The following CRYGC variants were observed in gnomAD, a reference collection of about 807,000 sequenced individuals.
The protein encoded by CRYGC is crystallin gamma C, also known as gamma-crystallin C.
Under a neutral mutation model 21.9 loss-of-function variants are expected in CRYGC, and 14 were observed. The observed-to-expected ratio is 0.64, with a 90% CI of 0.42 to 1.00. CRYGC has a LOEUF of 1.00. CRYGC is among the 50% of genes least tolerant of loss of function. The pLI is 0.00. For missense variants in CRYGC, 235 were observed against 234.2 expected (o/e 1.00, Z -0.02); for synonymous variants, 96 against 89.8 (o/e 1.07, Z -0.39).
rs746380431 is a variant in CRYGC at position 208,128,269 on chromosome 2, C to T, written c.459G>A (p.Arg153=). 2.5e-6 allele frequency: 4 copies of T among 1,614,140 alleles called. No homozygotes were observed. The highest frequency in any genetic ancestry group is 2.2e-5 in the South Asian group (2 of 91,094). ...CATCCATGGCCCCCCAGTCCTGGCA[C>T]CGCCTGTACTCTTGGGGCCTCAGCA... ...QYLLRPQEYR[R]CQDWGAMDAK... Residue 153 remains arginine (R), a synonymous_variant, in exon 3 of 3, where the codon CGG becomes CGA. Transcript: ENST00000282141.
Position 208,128,434 on chromosome 2 carries a change from G to A in CRYGC, c.294C>T (p.His98=), listed in dbSNP as rs1251931251. ...CACTCAGCTCCATCATGAGGCCTTTGTGGTCTTCCCTCTCGTACAGCCGCA... is the reference window on the plus strand; with the variant it reads ...CACTCAGCTCCATCATGAGGCCTTTATGGTCTTCCCTCTCGTACAGCCGCA... The part of the protein sequence containing the change: ...HRLRLYERED[H]KGLMMELSED... The change falls in exon 3 of 3, where the codon CAC becomes CAT. Residue 98 remains histidine, a synonymous_variant. Coordinates refer to ENST00000282141, the MANE Select transcript of CRYGC (RefSeq NM_020989.4). 56 of 1,614,088 alleles carry A rather than the reference G, an allele frequency of 3.5e-5. No individual in the cohort carries two copies. Among genetic ancestry groups the A allele is most frequent in the Non-Finnish European group, 4.6e-5 (54 of 1,180,052 alleles).
At chr2:208,129,403 G>A in intron 2 of CRYGC, 38 bp downstream of exon 2, 2 of 1,610,934 alleles carry the variant, frequency 1.2e-6, no homozygotes, top group Non-Finnish European at 1.7e-6. Flanking sequence ...CAATACAGTG[G>A]GGACTCTGGC....
At chr2:208,128,879 A>T (rs913916992) in intron 2 of CRYGC, among the ~76,000 whole-genome samples, 3 of 152,198 alleles carry the variant, frequency 2.0e-5, no homozygotes, top group African/African-American at 4.8e-5. Flanking sequence ...ATTTACAAAC[A>T]TATAAATTTA....
rs758348597 is a variant in CRYGC at position 208,129,534 on chromosome 2, A to T, written c.159T>A (p.Gly53=). 4 of 1,613,994 alleles carry T rather than the reference A, an allele frequency of 2.5e-6. No homozygotes were observed. In the South Asian group the frequency reaches 4.4e-5, roughly 18 times the overall value. Reference sequence around the variant, plus strand: ...CCCCTCGCCGCAGCAAGTATTGTTGACCTTGGTAGTTGGGACGCTCATAGA... The same window carrying T: ...CCCCTCGCCGCAGCAAGTATTGTTGTCCTTGGTAGTTGGGACGCTCATAGA... The part of the protein sequence containing the change: ...WMLYERPNYQ[G]QQYLLRRGEY... Residue 53 remains glycine, a synonymous_variant, in exon 2 of 3, where the codon GGT becomes GGA. Coordinates refer to ENST00000282141, the MANE Select transcript of CRYGC (RefSeq NM_020989.4).
rs550790785 is a variant in CRYGC at position 208,129,027 on chromosome 2, TTAACAATACA to T, written c.252+404_252+413del. On this transcript the variant is annotated intron_variant, in intron 2 of 2. Coordinates refer to ENST00000282141, the MANE Select transcript of CRYGC (RefSeq NM_020989.4). ...GGACACAACCTTTGAATAGCCTATATTAACAATACAGCTTTGAAGGTTTACTAGTCCATGG... is the reference window on the plus strand; with the variant it reads ...GGACACAACCTTTGAATAGCCTATATGCTTTGAAGGTTTACTAGTCCATGG... Among the ~76,000 whole-genome samples the T allele has an allele frequency of 1.5e-3, 230 of 152,336 alleles. 1 individual carries two copies. Among genetic ancestry groups the T allele is most frequent in the African/African-American group, 5.1e-3 (211 of 41,578 alleles).
Position 208,129,603 on chromosome 2 carries a change from G to A in CRYGC, c.90C>T (p.Phe30=). 1 of 1,614,252 alleles carries A rather than the reference G, an allele frequency of 6.2e-7. No homozygotes were observed. The highest frequency in any genetic ancestry group is 8.5e-7 in the Non-Finnish European group (1 of 1,180,046). Residue 30 remains phenylalanine, a synonymous_variant, in exon 2 of 3, where the codon TTC becomes TTT. Coordinates refer to ENST00000282141, the MANE Select transcript of CRYGC (RefSeq NM_020989.4). ...CCACCCGGATGGAGTTGCAGCGGCT[G>A]AAATACGGCTGCAGGTTGGGGCAGT... ...TTDCPNLQPY[F]SRCNSIRVES...
intron 2 of CRYGC, 135 bp downstream of exon 2, chr2:208,129,306 A>T (rs74826452): frequency 1.8e-5 from 23 of 1,266,300 alleles, no homozygotes; most frequent in African/African-American, 1.0e-4. Context: ...TGTGCATGTT[A>T]TCTATCTGGC....
intron 2 of CRYGC, among the ~76,000 whole-genome samples, chr2:208,128,983 A>T (rs1347069468): frequency 2.0e-5 from 3 of 152,220 alleles, no homozygotes; most frequent in African/African-American, 7.2e-5. Flanking sequence ...AATTAAGAAA[A>T]ATTACCTTTT....
intron 1 of CRYGC, 40 bp downstream of exon 1, chr2:208,129,744 C>G: frequency 8.7e-6 from 14 of 1,614,210 alleles, no homozygotes; most frequent in Non-Finnish European, 1.2e-5. Flanking sequence ...TATATAAAGG[C>G]AACTTTTTTT....
Position 208,129,578 on chromosome 2 carries a change from C to T in CRYGC, c.115G>A (p.Glu39Lys). 1 of 1,614,220 alleles carries T rather than the reference C, an allele frequency of 6.2e-7. No homozygotes were observed. Among genetic ancestry groups the T allele is most frequent in the Non-Finnish European group, 8.5e-7 (1 of 1,180,044 alleles). The change falls in exon 2 of 3, where the codon GAG becomes AAG. Residue 39 changes from glutamate (E) to lysine (K), a missense_variant. Transcript: ENST00000282141. ...YFSRCNSIRV[E>K]SGCWMLYERP... ...TCATAGAGCATCCAGCAGCCGCTCT[C>T]CACCCGGATGGAGTTGCAGCGGCTG...
chr2:208,128,403 A>T lies in CRYGC; in HGVS notation c.325T>A (p.Cys109Ser). The change falls in exon 3 of 3, where the codon TGC (cysteine) becomes AGC (serine). Residue 109 changes from cysteine (C) to serine (S), a missense_variant. Cys to Ser is a moderately radical substitution (Grantham distance 112, BLOSUM62 -1). Transcript: ENST00000282141. Reference sequence around the variant, plus strand: ...TGGAAGCGGTCCTGGATGCTGGGGCAGTCTTCACTCAGCTCCATCATGAGG... The same window carrying T: ...TGGAAGCGGTCCTGGATGCTGGGGCTGTCTTCACTCAGCTCCATCATGAGG... The part of the protein sequence containing the change: ...KGLMMELSED[C>S]PSIQDRFHLS... 1 of 1,614,182 alleles carries T rather than the reference A, an allele frequency of 6.2e-7. No individual in the cohort carries two copies. The highest frequency in any genetic ancestry group is 8.5e-7 in the Non-Finnish European group (1 of 1,180,022).
intron 2 of CRYGC, 35 bp downstream of exon 2, chr2:208,129,406 A>G: frequency 6.2e-7 from 1 of 1,610,964 alleles, no homozygotes; most frequent in Non-Finnish European, 8.5e-7. Flanking sequence ...TACAGTGGGG[A>G]CTCTGGCGGC....
In CRYGC at chr2:208,128,237, G is replaced by T; in HGVS notation, c.491C>A (p.Ala164Glu). 6.2e-7 allele frequency: 1 copy of T among 1,614,240 alleles called. No homozygotes were observed. ...ATCCACCACTCTCCGCAAAGAGCCT[G>T]CCTTAGCATCCATGGCCCCCCAGTC... is the stretch of plus-strand genomic sequence containing the variant. ...CQDWGAMDAKAGSLRRVVDLY is the reference protein window; with the variant it reads ...CQDWGAMDAKEGSLRRVVDLY Residue 164 changes from alanine to glutamate, a missense_variant, in exon 3 of 3, where the codon GCA becomes GAA. Coordinates refer to ENST00000282141, the MANE Select transcript of CRYGC (RefSeq NM_020989.4).
chr2:208,128,653 C>T (rs1559320836), intron 2 of CRYGC, among the ~76,000 whole-genome samples, 178 bp from the exon 3 acceptor site: 1 of 152,124 alleles, frequency 6.6e-6, no homozygotes, highest in East Asian at 1.9e-4. Context: ...TCCACTAGCA[C>T]CTAAATACTG....
chr2:208,128,267 C>T lies in CRYGC; in HGVS notation c.461G>A (p.Cys154Tyr), dbSNP rs974964429. The T allele has an allele frequency of 6.2e-7, 1 of 1,614,250 alleles. No homozygotes were observed. Among genetic ancestry groups the T allele is most frequent in the South Asian group, 1.1e-5 (1 of 91,090 alleles). ...YLLRPQEYRR[C>Y]QDWGAMDAKA... ...AGCATCCATGGCCCCCCAGTCCTGG[C>T]ACCGCCTGTACTCTTGGGGCCTCAG... Residue 154 changes from cysteine (C) to tyrosine (Y), a missense_variant, in exon 3 of 3, where the codon TGC (cysteine) becomes TAC (tyrosine). Physicochemically the swap from Cys to Tyr is radical, Grantham distance 194 (BLOSUM62 -2). Coordinates refer to ENST00000282141, the MANE Select transcript of CRYGC (RefSeq NM_020989.4).
At position 208,129,801 on chromosome 2, in the gene CRYGC, G is replaced by A. The variant is rs1469097093; in HGVS notation, c.-9C>T. 6.2e-7 allele frequency: 1 copy of A among 1,613,952 alleles called. No homozygotes were observed. Among genetic ancestry groups the A allele is most frequent in the Non-Finnish European group, 8.5e-7 (1 of 1,180,020 alleles). ...CTGCTCACCTTCCCCATGGCTGGTT[G>A]ACACGGATGATGCGAGTTCAGTGTG... On this transcript the variant is annotated 5_prime_UTR_variant, in exon 1 of 3. Coordinates refer to ENST00000282141, the MANE Select transcript of CRYGC (RefSeq NM_020989.4).
chr2:208,129,653 C>T lies in CRYGC; in HGVS notation c.40G>A (p.Gly14Ser). ...ITFYEDRAFQ[G>S]RSYETTTDCP... ...TCAGTGGTGGTTTCGTAGCTGCGGCCCTGGAAGGCCCTGTCCTCATAGAAG... is the reference window on the plus strand; with the variant it reads ...TCAGTGGTGGTTTCGTAGCTGCGGCTCTGGAAGGCCCTGTCCTCATAGAAG... Residue 14 changes from glycine (G) to serine (S), a missense_variant, in exon 2 of 3, where the codon GGC becomes AGC. By Grantham distance (56) the Gly-to-Ser change is moderately conservative. Coordinates refer to ENST00000282141, the MANE Select transcript of CRYGC (RefSeq NM_020989.4). The T allele has an allele frequency of 6.2e-7, 1 of 1,614,224 alleles. No homozygotes were observed. Among genetic ancestry groups the T allele is most frequent in the Non-Finnish European group, 8.5e-7 (1 of 1,180,044 alleles).
rs530871884 is a variant in CRYGC at position 208,128,384 on chromosome 2, C to T, written c.344G>A (p.Arg115His). 68 of 1,613,986 alleles carry T rather than the reference C, an allele frequency of 4.2e-5. No individual in the cohort carries two copies. In the Admixed American group the frequency reaches 4.5e-4, roughly 11 times the overall value. The change falls in exon 3 of 3, where the codon CGC becomes CAC. Residue 115 changes from arginine to histidine, a missense_variant. Transcript: ENST00000282141. Reference protein sequence around the residue: ...LSEDCPSIQDRFHLSEIRSLH... With the variant: ...LSEDCPSIQDHFHLSEIRSLH... Reference sequence around the variant, plus strand: ...GGAACGGATCTCGCTGAGGTGGAAGCGGTCCTGGATGCTGGGGCAGTCTTC... The same window carrying T: ...GGAACGGATCTCGCTGAGGTGGAAGTGGTCCTGGATGCTGGGGCAGTCTTC...
rs376626721 is a variant in CRYGC, at chr2:208,128,385, G to T, written c.343C>A (p.Arg115Ser). 1 of 1,614,162 alleles carries T rather than the reference G, an allele frequency of 6.2e-7. No individual in the cohort carries two copies. The highest frequency in any genetic ancestry group is 1.1e-5 in the South Asian group (1 of 91,070). Residue 115 changes from arginine to serine, a missense_variant, in exon 3 of 3, where the codon CGC becomes AGC. Physicochemically the swap from Arg to Ser is moderately radical, Grantham distance 110. Transcript: ENST00000282141. Reference sequence around the variant, plus strand: ...GAACGGATCTCGCTGAGGTGGAAGCGGTCCTGGATGCTGGGGCAGTCTTCA... The same window carrying T: ...GAACGGATCTCGCTGAGGTGGAAGCTGTCCTGGATGCTGGGGCAGTCTTCA... The part of the protein sequence containing the change: ...LSEDCPSIQD[R>S]FHLSEIRSLH...
Sources: allele counts gnomAD v4.1 joint callset (sites outside exome capture counted in the v4.1 genomes callset), GRCh38; gene constraint gnomAD v4.1.1; transcripts MANE v1.5; gene names NCBI Gene and HGNC (gene_info 2026-07-23, HGNC 2026-07-21).